Variants in ACTG2 observed in about 807,000 individuals in gnomAD.
ACTG2 encodes the protein actin, gamma-enteric smooth muscle.
A neutral mutation model predicts 37.6 loss-of-function variants in ACTG2; 16 were observed. The observed-to-expected ratio is 0.43, with a 90% confidence interval of 0.29 to 0.65. The LOEUF is 0.65. ACTG2 is among the 30% of genes least tolerant of loss of function. The pLI is 0.18. For synonymous variants in ACTG2, 181 were observed against 179.9 expected (o/e 1.01, Z -0.05); for missense variants, 238 against 490.9 (o/e 0.48, Z 4.87).
intron 3 of ACTG2, among the ~76,000 whole-genome samples, chr2:73,904,777 GTATATATATATATATATATATATA>G (rs199782884): frequency 5.2e-4 from 22 of 42,634 alleles, no homozygotes; most frequent in South Asian, 1.0e-3. Flanking sequence ...GTGTGTGTGT[GTATATATATATATATATATATATA>G]TATATATATA....
rs572248690 is a variant in ACTG2 at position 73,901,085 on chromosome 2, G to T, written c.-36-191G>T. ...GTTAGGACTTCAACATGAATTTTTG[G>T]GGGGACACAATTCACATTTCAGGGC... On this transcript the variant is annotated intron_variant, in intron 1 of 8. Transcript: ENST00000345517. Among the ~76,000 whole-genome samples, 11 of 152,102 alleles carry T rather than the reference G, an allele frequency of 7.2e-5. No homozygotes were observed. In the South Asian group the frequency reaches 2.1e-3, roughly 29 times the overall value.
chr2:73,904,769 G>GTA (rs1679977564), intron 3 of ACTG2, among the ~76,000 whole-genome samples: 3 of 36,364 alleles, frequency 8.2e-5, no homozygotes, highest in Non-Finnish European at 1.7e-4. Flanking sequence ...GTGTGTGTGT[G>GTA]TGTGTGTGTA....
In ACTG2 at chr2:73,909,146, A is replaced by T; in HGVS notation, c.451+7A>T. 1 of 1,606,116 alleles carries T rather than the reference A, an allele frequency of 6.2e-7. No individual in the cohort carries two copies. The highest frequency in any genetic ancestry group is 8.5e-7 in the Non-Finnish European group (1 of 1,172,670). On this transcript the variant is annotated splice_region_variant and intron_variant, in intron 5 of 8. Coordinates refer to ENST00000345517, the MANE Select transcript of ACTG2 (RefSeq NM_001615.4). ...GCCTCTGGCCGCACGACAGGTGAGT[A>T]ATCCTGTAATCCATTCCTTTTCTGA...
At chr2:73,893,810 C>T (rs1433827860) in intron 1 of ACTG2, among the ~76,000 whole-genome samples, 2 of 152,110 alleles carry the variant, frequency 1.3e-5, no homozygotes, top group Admixed American at 1.3e-4. Flanking sequence ...CCAACCCACC[C>T]AACACACACA....
At chr2:73,903,712 C>A (rs942051349) in intron 3 of ACTG2, among the ~76,000 whole-genome samples, 3 of 152,014 alleles carry the variant, frequency 2.0e-5, no homozygotes, top group Admixed American at 2.0e-4. Context: ...GAGACCGAGG[C>A]GGGTGGATCA....
intron 8 of ACTG2, 77 bp downstream of exon 8, chr2:73,916,842 C>A: frequency 6.6e-7 from 1 of 1,506,740 alleles, no homozygotes. Flanking sequence ...CGGAGGCAGA[C>A]TGCCAGACCT....
chr2:73,908,490 C>T, intron 3 of ACTG2, 183 bp from the exon 4 acceptor site: 1 of 642,864 alleles, frequency 1.6e-6, no homozygotes, highest in Non-Finnish European at 2.8e-6. Flanking sequence ...TACCTGGGGC[C>T]CTGTTGAGAA....
chr2:73,904,777 G>GTGTATGTATATATATATATATA (rs1427483105), intron 3 of ACTG2, among the ~76,000 whole-genome samples: 1 of 42,608 alleles, frequency 2.3e-5, no homozygotes, highest in African/African-American at 7.8e-5. Flanking sequence ...GTGTGTGTGT[G>GTGTATGTATATATATATATATA]TATATATATA....
rs1300701001 is a variant in ACTG2, at chr2:73,904,763, GTGTGTGTGTGTGTGTATATATATATA to G, written c.255+2277_255+2302del. ...ATTGTGTGTGTGTGTGTGTGTGTGT[GTGTGTGTGTGTGTGTATATATATATA>G]TATATATATATATATATATATATAT... On this transcript the variant is annotated intron_variant, in intron 3 of 8. Transcript: ENST00000345517. Among the ~76,000 whole-genome samples, 400 of 58,314 alleles carry G rather than the reference GTGTGTGTGTGTGTGTATATATATATA, an allele frequency of 6.9e-3. 4 individuals are homozygous for G. Among genetic ancestry groups the G allele is most frequent in the African/African-American group, 0.03 (382 of 12,776 alleles). 38.3% of individuals were successfully genotyped at this position (58,314 alleles called of 152,430 possible). A position where few individuals can be genotyped will look rare whatever the true frequency, so the allele number is the denominator to read the frequency against.
intron 8 of ACTG2, 76 bp from the exon 9 acceptor site, chr2:73,919,356 G>C: frequency 6.6e-7 from 1 of 1,523,182 alleles, no homozygotes; most frequent in South Asian, 1.3e-5. Flanking sequence ...CCCTTTTCTG[G>C]GATAAGTAGA....
intron 3 of ACTG2, chr2:73,902,917 G>A: frequency 1.3e-6 from 1 of 772,118 alleles, no homozygotes; most frequent in Middle Eastern, 3.7e-4. Context: ...TCAGGCCAGT[G>A]CTCACCCCTT....
At chr2:73,901,230 G>A (rs1229115621) in intron 1 of ACTG2, 46 bp from the exon 2 acceptor site, 2 of 1,420,042 alleles carry the variant, frequency 1.4e-6, no homozygotes, top group Non-Finnish European at 1.9e-6. Flanking sequence ...TCTCCAAACT[G>A]ATTTGACAAG....
Position 73,912,131 on chromosome 2 carries a change from G to A in ACTG2, c.452-1354G>A, listed in dbSNP as rs115544833. 5.1e-3 allele frequency among the ~76,000 whole-genome samples: 775 copies of A among 152,250 alleles called. 8 individuals carry two copies. The highest frequency in any genetic ancestry group is 0.018 in the African/African-American group (742 of 41,542). On this transcript the variant is annotated intron_variant, in intron 5 of 8. Transcript: ENST00000345517. ...AGAAATGCATGGCATATACAGTGTC[G>A]TATCCTGTGCTTTGCACTTTGGTTT...
rs560390190 is a variant in ACTG2 at position 73,918,703 on chromosome 2, C to A, written c.988-729C>A. 2.4e-4 allele frequency among the ~76,000 whole-genome samples: 37 copies of A among 152,196 alleles called. No individual in the cohort carries two copies. In the South Asian group the frequency reaches 3.3e-3, roughly 14 times the overall value. On this transcript the variant is annotated intron_variant, in intron 8 of 8. Coordinates refer to ENST00000345517, the MANE Select transcript of ACTG2 (RefSeq NM_001615.4). ...CAGGATTCCTAGTGGAAAGCATGAA[C>A]AATGTAGATATAAATTTGAGGACTT...
chr2:73,896,081 C>A (rs1346733745), intron 1 of ACTG2, among the ~76,000 whole-genome samples: 1 of 152,194 alleles, frequency 6.6e-6, no homozygotes, highest in Non-Finnish European at 1.5e-5. Context: ...CACCTGTAAT[C>A]CCAACACTTT....
chr2:73,908,944 A>C, intron 4 of ACTG2, 111 bp from the exon 5 acceptor site: 1 of 1,267,086 alleles, frequency 7.9e-7, no homozygotes, highest in South Asian at 1.2e-5. Flanking sequence ...GGAATAATGA[A>C]CTATCAAACT....
chr2:73,911,774 G>A (rs1186125698), intron 5 of ACTG2, among the ~76,000 whole-genome samples: 2 of 152,192 alleles, frequency 1.3e-5, no homozygotes, highest in Non-Finnish European at 2.9e-5. Flanking sequence ...TGACCAAAAT[G>A]TCATTATGTG....
chr2:73,911,854 G>A (rs1680147141), intron 5 of ACTG2, among the ~76,000 whole-genome samples: 1 of 152,194 alleles, frequency 6.6e-6, no homozygotes, highest in African/African-American at 2.4e-5. Flanking sequence ...AAATAAAATG[G>A]TCTTTAATAG....
chr2:73,908,786 A>C lies in ACTG2; in HGVS notation c.366+3A>C. 1 of 1,604,214 alleles carries C rather than the reference A, an allele frequency of 6.2e-7. No individual in the cohort carries two copies. Among genetic ancestry groups the C allele is most frequent in the Non-Finnish European group, 8.5e-7 (1 of 1,170,998 alleles). Reference sequence around the variant, plus strand: ...CCAACAGGGAAAAGATGACCCAGGTAAGAAGCCAGGAAGACTTGAACACTG... The same window carrying C: ...CCAACAGGGAAAAGATGACCCAGGTCAGAAGCCAGGAAGACTTGAACACTG... On this transcript the variant is annotated splice_donor_region_variant and intron_variant, in intron 4 of 8. Coordinates refer to ENST00000345517, the MANE Select transcript of ACTG2 (RefSeq NM_001615.4).
Sources: allele counts gnomAD v4.1 joint callset (sites outside exome capture counted in the v4.1 genomes callset), GRCh38; gene constraint gnomAD v4.1.1; transcripts MANE v1.5; gene names NCBI Gene and HGNC (gene_info 2026-07-23, HGNC 2026-07-21).